DST: variants seen among roughly 807,000 people sequenced by gnomAD.
DST encodes dystonin.
A neutral mutation model predicts 875.2 loss-of-function variants in DST; 253 were observed. The observed-to-expected ratio is 0.29, with a 90% confidence interval of 0.26 to 0.32. DST has a LOEUF of 0.32. Ranked by LOEUF, DST falls within the 10% of genes least tolerant of loss-of-function variation. DST has a pLI of 1.00. For missense variants in DST, 8,287 were observed against 9,111.6 expected (o/e 0.91, Z 3.68); for synonymous variants, 3,124 against 3,197.1 (o/e 0.98, Z 0.77).
chr6:56,677,573 G>A (rs1240277334), intron 9 of DST, among the ~76,000 whole-genome samples: 1 of 152,180 alleles, frequency 6.6e-6, no homozygotes, highest in Non-Finnish European at 1.5e-5. Context: ...GCCTCCCAAA[G>A]TGCTGGGATT....
rs1282795231 is a variant in DST, at chr6:56,593,828, G to T, written c.12561C>A (p.His4187Gln). 6.2e-7 allele frequency: 1 copy of T among 1,613,868 alleles called. No individual in the cohort carries two copies. The highest frequency in any genetic ancestry group is 2.2e-5 in the East Asian group (1 of 44,862). The change falls in exon 48 of 104, where the codon CAC (histidine) becomes CAA (glutamine). Residue 4187 changes from histidine (H) to glutamine (Q), a missense_variant. Transcript: ENST00000680361. The stretch of plus-strand genomic sequence containing the variant: ...TTGTGATGTATCTCAAGTCACCTTT[G>T]TGAGAAATAACGTCTTCTGAGAAAC... ...QKSFSEDVIS[H>Q]KGDLRYITIS...
At chr6:56,702,896 G>A (rs1319003988) in intron 7 of DST, among the ~76,000 whole-genome samples, 1 of 152,132 alleles carries the variant, frequency 6.6e-6, no homozygotes, top group Non-Finnish European at 1.5e-5. Flanking sequence ...AAAACAGACA[G>A]CACACCACAG....
intron 3 of DST, chr6:56,871,749 C>A (rs574088470): frequency 5.1e-5 from 17 of 335,796 alleles, no homozygotes; most frequent in East Asian, 6.5e-5. Context: ...GGAGTAAATT[C>A]AGCGTTAAAA....
At chr6:56,712,430 C>T (rs1489403250) in intron 5 of DST, among the ~76,000 whole-genome samples, 3 of 152,108 alleles carry the variant, frequency 2.0e-5, no homozygotes, top group Admixed American at 2.0e-4. Flanking sequence ...GGGTCATTAT[C>T]ACTTAACGTG....
chr6:56,470,140 T>C lies in DST; in HGVS notation c.22464A>G (p.Lys7488=), dbSNP rs1348765918. The C allele has an allele frequency of 6.2e-7, 1 of 1,612,578 alleles. No homozygotes were observed. Among genetic ancestry groups the C allele is most frequent in the East Asian group, 2.2e-5 (1 of 44,850 alleles). Residue 7488 remains lysine, a synonymous_variant, in exon 96 of 104, where the codon AAA becomes AAG. Transcript: ENST00000680361. ...AGATAATGAGTACCTCATCTTCGATTTTGTCGGCATCTGTGATAGGTTTAT... is the reference window on the plus strand; with the variant it reads ...AGATAATGAGTACCTCATCTTCGATCTTGTCGGCATCTGTGATAGGTTTAT... ...DAYKPITDAD[K]IEDEVTRQVA... is the part of the protein sequence containing the mutation.
chr6:56,630,842 G>A (rs1453531341), intron 30 of DST, among the ~76,000 whole-genome samples: 2 of 151,466 alleles, frequency 1.3e-5, no homozygotes, highest in Non-Finnish European at 2.9e-5. Context: ...GAGTGCAGTG[G>A]CGCGATATCG....
intron 2 of DST, among the ~76,000 whole-genome samples, chr6:56,948,319 C>T (rs1820714059): frequency 6.6e-6 from 1 of 152,176 alleles, no homozygotes; most frequent in South Asian, 2.1e-4. Flanking sequence ...GCCAGCATCA[C>T]TACTCTTGCA....
chr6:56,496,474 GT>G (rs200493794), intron 82 of DST, among the ~76,000 whole-genome samples: 85 of 145,898 alleles, frequency 5.8e-4, no homozygotes, highest in Middle Eastern at 3.5e-3. Context: ...AAACAAGGAA[GT>G]TTTTTTTTTT....
intron 9 of DST, among the ~76,000 whole-genome samples, chr6:56,676,225 C>T (rs1468211154): frequency 6.6e-6 from 1 of 152,154 alleles, no homozygotes; most frequent in Non-Finnish European, 1.5e-5. Context: ...CACCACCACA[C>T]CTGGGTAATT....
rs1554550933 is a variant in DST at position 56,640,551 on chromosome 6, C to G, written c.2082G>C (p.Val694=). Residue 694 remains valine (V), a synonymous_variant, in exon 18 of 104, where the codon GTG becomes GTC. Transcript: ENST00000680361. ...TTGTCAGTATGCGTCCTTTGCTGTA[C>G]ACAGAAGAACATTCGTTCCTTAAGG... is the stretch of plus-strand genomic sequence containing the variant. The part of the protein sequence containing the change: ...IMALRNECSS[V]YSKGRILTTE... 6.2e-7 allele frequency: 1 copy of G among 1,614,190 alleles called. No individual in the cohort carries two copies. Among genetic ancestry groups the G allele is most frequent in the Non-Finnish European group, 8.5e-7 (1 of 1,180,036 alleles).
At chr6:56,721,893 A>G (rs34812826) in intron 5 of DST, among the ~76,000 whole-genome samples, 35,894 of 152,128 alleles carry the variant, frequency 0.24, 5,492 homozygotes, top group African/African-American at 0.43. Flanking sequence ...GGCAGAGGTC[A>G]GCAAACTTTT....
intron 61 of DST, among the ~76,000 whole-genome samples, chr6:56,542,090 G>T (rs1465803126): frequency 1.1e-4 from 16 of 152,084 alleles, no homozygotes; most frequent in Admixed American, 1.0e-3. Context: ...CCACCATTCT[G>T]GTAAATAAAC....
chr6:56,627,853 G>T, intron 33 of DST, 146 bp downstream of exon 33: 1 of 734,400 alleles, frequency 1.4e-6, no homozygotes, highest in Non-Finnish European at 2.2e-6. Context: ...GTAGGTTTGG[G>T]TTGCAAGATT....
Position 56,526,539 on chromosome 6 carries a change from T to C in DST, c.17951A>G (p.Lys5984Arg). The C allele has an allele frequency of 6.2e-7, 1 of 1,613,650 alleles. No homozygotes were observed. The highest frequency in any genetic ancestry group is 8.5e-7 in the Non-Finnish European group (1 of 1,179,698). ...TTCATTAAGGGAGTCCAGTAAGGCT[T>C]TGTTGTTCTTAGCTTCCTTTTTCAG... ...KELKKEAKNNKALLDSLNEVS... is the reference protein window; with the variant it reads ...KELKKEAKNNRALLDSLNEVS... Residue 5984 changes from lysine to arginine, a missense_variant, in exon 69 of 104, where the codon AAA (lysine) becomes AGA (arginine). By Grantham distance (26) the Lys-to-Arg change is conservative. Transcript: ENST00000680361.
intron 3 of DST, among the ~76,000 whole-genome samples, chr6:56,876,275 C>T (rs1225473158): frequency 6.6e-6 from 1 of 152,142 alleles, no homozygotes; most frequent in Non-Finnish European, 1.5e-5. Context: ...CAGCCAACAC[C>T]TCAGCCACAA....
chr6:56,889,297 A>C (rs1039294276), intron 3 of DST, among the ~76,000 whole-genome samples: 1 of 152,156 alleles, frequency 6.6e-6, no homozygotes, highest in African/African-American at 2.4e-5. Flanking sequence ...CAAATCAGAA[A>C]ATTTTCTTTC....
chr6:56,526,644 T>C, intron 68 of DST, 77 bp from the exon 69 acceptor site: 1 of 1,360,176 alleles, frequency 7.4e-7, no homozygotes, highest in South Asian at 1.3e-5. Context: ...GGAGCTCAAG[T>C]CCTTTGCAGG....
intron 4 of DST, among the ~76,000 whole-genome samples, chr6:56,759,260 C>T (rs767608856): frequency 1.3e-5 from 2 of 152,036 alleles, no homozygotes; most frequent in Non-Finnish European, 2.9e-5. Context: ...AGAGCCTGGC[C>T]AACATGGTGA....
At chr6:56,701,384 ACT>A (rs1252920703) in intron 8 of DST, among the ~76,000 whole-genome samples, 10 of 152,030 alleles carry the variant, frequency 6.6e-5, no homozygotes, top group African/African-American at 2.2e-4. Flanking sequence ...TTATATCTTT[ACT>A]CATAAATTTT....
Sources: allele counts gnomAD v4.1 joint callset (sites outside exome capture counted in the v4.1 genomes callset), GRCh38; gene constraint gnomAD v4.1.1; transcripts MANE v1.5; gene names NCBI Gene and HGNC (gene_info 2026-07-23, HGNC 2026-07-21).